The following SCN11A variants were observed in gnomAD, a reference collection of about 807,000 sequenced individuals.
SCN11A encodes the protein sodium voltage-gated channel alpha subunit 11, also known as sodium channel protein type 11 subunit alpha.
Under a neutral mutation model 162.2 loss-of-function variants are expected in SCN11A, and 122 were observed. The observed-to-expected ratio is 0.75, with a 90% CI of 0.65 to 0.87. The LOEUF is 0.87. SCN11A is among the 40% of genes least tolerant of loss of function. The pLI is 0.00. For missense variants in SCN11A, 2,015 were observed against 2,181.6 expected (o/e 0.92, Z 1.52); for synonymous variants, 758 against 751.5 (o/e 1.01, Z -0.14).
chr3:39,029,716 A>G (rs1233481559), intron 2 of SCN11A, among the ~76,000 whole-genome samples: 1 of 152,252 alleles, frequency 6.6e-6, no homozygotes, highest in East Asian at 1.9e-4. Flanking sequence ...TGTAAGAAAA[A>G]GGGTCCATTG....
At chr3:39,012,770 C>T (rs1267020007) in intron 2 of SCN11A, among the ~76,000 whole-genome samples, 2 of 152,300 alleles carry the variant, frequency 1.3e-5, no homozygotes, top group East Asian at 1.9e-4. Context: ...CCACTGTGCT[C>T]GGCCTGGATC....
chr3:38,964,643 G>A (rs1157991780), intron 2 of SCN11A, among the ~76,000 whole-genome samples: 3 of 152,204 alleles, frequency 2.0e-5, no homozygotes, highest in African/African-American at 4.8e-5. Context: ...AAGTGGGGAT[G>A]GGCTTTCCAT....
chr3:39,007,825 AC>A (rs1404310590), intron 2 of SCN11A, among the ~76,000 whole-genome samples: 1 of 152,198 alleles, frequency 6.6e-6, no homozygotes, highest in Middle Eastern at 3.2e-3. Flanking sequence ...AAATTATCAA[AC>A]CTGAGGAGAA....
chr3:38,932,535 G>A (rs546476161), intron 7 of SCN11A, among the ~76,000 whole-genome samples: 13 of 152,296 alleles, frequency 8.5e-5, no homozygotes, highest in Admixed American at 3.9e-4. Flanking sequence ...GCGCTTTTCC[G>A]ACGGGCTTAA....
intron 27 of SCN11A, among the ~76,000 whole-genome samples, chr3:38,865,721 T>C (rs1322500187): frequency 6.6e-6 from 1 of 152,136 alleles, no homozygotes; most frequent in Non-Finnish European, 1.5e-5. Flanking sequence ...CAAATTGGAC[T>C]TATATAAAAA....
intron 6 of SCN11A, 41 bp from the exon 7 acceptor site, chr3:38,945,553 A>G: frequency 7.3e-7 from 1 of 1,375,316 alleles, no homozygotes; most frequent in Non-Finnish European, 9.9e-7. Context: ...GCAGGATGGC[A>G]TGCATCATTA....
chr3:39,006,586 A>C (rs2030981460), intron 2 of SCN11A, among the ~76,000 whole-genome samples: 1 of 122,232 alleles, frequency 8.2e-6, no homozygotes, highest in African/African-American at 2.6e-5. Context: ...GAAAAAAAAA[A>C]GAAGAAGAAG....
chr3:38,863,752 A>G (rs1431797143), intron 27 of SCN11A, among the ~76,000 whole-genome samples: 1 of 149,910 alleles, frequency 6.7e-6, no homozygotes, highest in Non-Finnish European at 1.5e-5. Context: ...ACTCTCAGGG[A>G]AAAAAAAAAG....
At chr3:38,888,539 T>A (rs1362133870) in intron 19 of SCN11A, among the ~76,000 whole-genome samples, 1 of 152,190 alleles carries the variant, frequency 6.6e-6, no homozygotes, top group Non-Finnish European at 1.5e-5. Context: ...TACATAATAA[T>A]CTGAAAATGT....
intron 1 of SCN11A, among the ~76,000 whole-genome samples, chr3:39,048,884 C>T (rs796513260): frequency 2.6e-5 from 4 of 152,218 alleles, no homozygotes; most frequent in Non-Finnish European, 5.9e-5. Flanking sequence ...GGTGTTCTAG[C>T]CACAGCTTTG....
At chr3:38,896,271 G>C (rs906371302) in intron 18 of SCN11A, among the ~76,000 whole-genome samples, 4 of 152,124 alleles carry the variant, frequency 2.6e-5, no homozygotes, top group Non-Finnish European at 5.9e-5. Context: ...GAAGTTAGGG[G>C]AACAGGGACC....
At chr3:38,905,358 G>A (rs2065777058) in intron 14 of SCN11A, 37 bp from the exon 15 acceptor site, 3 of 1,593,220 alleles carry the variant, frequency 1.9e-6, no homozygotes, top group African/African-American at 1.4e-5. Context: ...CTAAAGACAG[G>A]GGCTGCCTCT....
intron 2 of SCN11A, among the ~76,000 whole-genome samples, chr3:38,980,634 T>C (rs1181969686): frequency 6.6e-6 from 1 of 152,186 alleles, no homozygotes; most frequent in Admixed American, 6.5e-5. Flanking sequence ...TTCAAGTGTA[T>C]ATGAGCTCAA....
In SCN11A at chr3:38,987,303, T is replaced by TCTCA. The variant is rs1371432177; in HGVS notation, c.-279-26881_-279-26880insTGAG. Reference sequence around the variant, plus strand: ...TTCTCTCTCTCTCTCTCTCTCTCTCTCACACACACACACACACACACACAC... The same window carrying TCTCA: ...TTCTCTCTCTCTCTCTCTCTCTCTCTCTCACACACACACACACACACACACACAC... On this transcript the variant is annotated intron_variant, in intron 2 of 29. Transcript: ENST00000302328. Among the ~76,000 whole-genome samples the TCTCA allele has an allele frequency of 1.0e-3, 107 of 104,468 alleles. No homozygotes were observed. The South Asian group carries it at 0.012, about 11-fold the overall frequency. 68.5% of individuals were successfully genotyped at this position (104,468 alleles called of 152,430 possible). A position where few individuals can be genotyped will look rare whatever the true frequency, so the allele number is the denominator to read the frequency against.
chr3:38,908,922 T>A lies in SCN11A; in HGVS notation c.1299+75A>T, dbSNP rs374595530. The A allele has an allele frequency of 1.2e-5, 16 of 1,313,522 alleles. No individual in the cohort carries two copies. In the African/African-American group the frequency reaches 2.2e-4, roughly 18 times the overall value. The allele number at this position is 1,313,522 out of a possible 1,614,324, so 81.4% of individuals were successfully genotyped here. A position where few individuals can be genotyped will look rare whatever the true frequency, so the allele number is the denominator to read the frequency against. On this transcript the variant is annotated intron_variant, in intron 13 of 29. Transcript: ENST00000302328. Reference sequence around the variant, plus strand: ...CCAGGCCAAGGGTGGCAGCCTTGAGTCTCAGGTCACATTGCCTCTGGGGAC... The same window carrying A: ...CCAGGCCAAGGGTGGCAGCCTTGAGACTCAGGTCACATTGCCTCTGGGGAC...
rs78745159 is a variant in SCN11A, at chr3:39,016,048, C to T, written c.-280+16332G>A. On this transcript the variant is annotated intron_variant, in intron 2 of 29. Coordinates refer to ENST00000302328, the MANE Select transcript of SCN11A (RefSeq NM_001349253.2). ...CACTAGATGTGATATATTTTTAAGGCGCTATCAGGAGAAACTGATAAGGGA... is the reference window on the plus strand; with the variant it reads ...CACTAGATGTGATATATTTTTAAGGTGCTATCAGGAGAAACTGATAAGGGA... Among the ~76,000 whole-genome samples, 83 of 152,140 alleles carry T rather than the reference C, an allele frequency of 5.5e-4. No homozygotes were observed. In the East Asian group the frequency reaches 0.014, roughly 25 times the overall value.
chr3:38,936,590 G>C (rs1340531526), intron 7 of SCN11A, among the ~76,000 whole-genome samples: 1 of 150,512 alleles, frequency 6.6e-6, no homozygotes, highest in Non-Finnish European at 1.5e-5. Context: ...GACAAACAGA[G>C]AGCCAAATCA....
At chr3:39,037,818 G>A (rs1210349674) in intron 1 of SCN11A, among the ~76,000 whole-genome samples, 4 of 152,094 alleles carry the variant, frequency 2.6e-5, no homozygotes, top group African/African-American at 4.8e-5. Context: ...AATGGGAGCC[G>A]AAAATAAAGA....
intron 2 of SCN11A, among the ~76,000 whole-genome samples, chr3:39,002,793 C>T (rs74928363): frequency 0.033 from 4,964 of 152,256 alleles, 276 homozygotes; most frequent in African/African-American, 0.11. Flanking sequence ...TGAACCTCTG[C>T]CTCTGCCAAA....
Sources: gnomAD v4.1 joint callset for allele counts (sites outside exome capture counted in the v4.1 genomes callset) on GRCh38, gnomAD v4.1.1 for gene constraint, MANE v1.5 for transcripts, NCBI Gene and HGNC (gene_info 2026-07-23, HGNC 2026-07-21) for gene names.